Variants in SPOCK3 observed in about 807,000 individuals in gnomAD.
The protein encoded by SPOCK3 is testican-3.
A neutral mutation model predicts 56.6 loss-of-function variants in SPOCK3; 30 were observed. The ratio of observed to expected loss-of-function variants is 0.53; its 90% CI spans 0.40 to 0.72. The LOEUF (loss-of-function observed/expected upper bound fraction) is 0.72, where lower values mean the gene tolerates loss of function less well. SPOCK3 is among the 30% of genes least tolerant of loss of function. The pLI is 0.00. For synonymous variants in SPOCK3, 196 were observed against 183.3 expected (o/e 1.07, Z -0.56); for missense variants, 527 against 530.0 (o/e 0.99, Z 0.06).
chr4:166,970,661 G>A (rs1745272985), intron 4 of SPOCK3, among the ~76,000 whole-genome samples: 1 of 151,930 alleles, frequency 6.6e-6, no homozygotes, highest in African/African-American at 2.4e-5. Context: ...GGAGGTGGAG[G>A]CTGCAGTGAA....
intron 2 of SPOCK3, among the ~76,000 whole-genome samples, chr4:167,210,331 C>T (rs1734751541): frequency 6.6e-6 from 1 of 152,072 alleles, no homozygotes; most frequent in Non-Finnish European, 1.5e-5. Flanking sequence ...TTCATTGAAT[C>T]ACCTCCCACT....
intron 5 of SPOCK3, among the ~76,000 whole-genome samples, chr4:166,893,599 G>C (rs939610990): frequency 6.6e-6 from 1 of 152,094 alleles, no homozygotes; most frequent in Non-Finnish European, 1.5e-5. Flanking sequence ...ATATAGGGCT[G>C]AAATGGGATT....
intron 4 of SPOCK3, among the ~76,000 whole-genome samples, chr4:166,953,343 A>G (rs975305479): frequency 6.6e-6 from 1 of 152,186 alleles, no homozygotes; most frequent in Non-Finnish European, 1.5e-5. Context: ...AATGCTCACC[A>G]TCACTGGCCA....
intron 2 of SPOCK3, among the ~76,000 whole-genome samples, chr4:167,080,743 A>G (rs1045620565): frequency 1.3e-5 from 2 of 152,014 alleles, no homozygotes; most frequent in African/African-American, 4.8e-5. Flanking sequence ...AATAAATGGC[A>G]TGTTAGATTA....
intron 7 of SPOCK3, among the ~76,000 whole-genome samples, chr4:166,774,312 CTT>C (rs1368861113): frequency 6.6e-6 from 1 of 152,152 alleles, no homozygotes; most frequent in African/African-American, 2.4e-5. Context: ...CTTAGGAAGA[CTT>C]TGTGCTGTAT....
chr4:167,057,218 T>A (rs1221793307), intron 3 of SPOCK3, among the ~76,000 whole-genome samples: 1 of 152,044 alleles, frequency 6.6e-6, no homozygotes, highest in Non-Finnish European at 1.5e-5. Context: ...ATAAAATACT[T>A]TACAGACAAG....
At chr4:167,212,945 G>A (rs146125844) in intron 2 of SPOCK3, among the ~76,000 whole-genome samples, 1 of 152,210 alleles carries the variant, frequency 6.6e-6, no homozygotes, top group East Asian at 1.9e-4. Context: ...ATGAAACATA[G>A]AGCATTTGTC....
chr4:166,877,182 T>C (rs1043052972), intron 6 of SPOCK3, among the ~76,000 whole-genome samples: 2 of 152,286 alleles, frequency 1.3e-5, no homozygotes, highest in African/African-American at 4.8e-5. Context: ...GTTAGTATTT[T>C]ACCATGTACA....
At chr4:166,928,550 C>T (rs1327999849) in intron 4 of SPOCK3, among the ~76,000 whole-genome samples, 2 of 152,146 alleles carry the variant, frequency 1.3e-5, no homozygotes, top group Non-Finnish European at 2.9e-5. Context: ...GATGAATAGG[C>T]AGATCACAGA....
At chr4:166,749,553 G>A (rs1402205334) in intron 8 of SPOCK3, among the ~76,000 whole-genome samples, 2 of 151,800 alleles carry the variant, frequency 1.3e-5, no homozygotes. Context: ...GAGTTTATGG[G>A]TGCAGCACAC....
At chr4:166,848,717 C>T (rs1748360765) in intron 6 of SPOCK3, among the ~76,000 whole-genome samples, 1 of 152,154 alleles carries the variant, frequency 6.6e-6, no homozygotes, top group Non-Finnish European at 1.5e-5. Flanking sequence ...TGCAGGTGAT[C>T]ACTGATAAGA....
At chr4:166,960,718 G>A (rs1049708167) in intron 4 of SPOCK3, among the ~76,000 whole-genome samples, 4 of 152,174 alleles carry the variant, frequency 2.6e-5, no homozygotes, top group South Asian at 2.1e-4. Flanking sequence ...AGAATAGGAT[G>A]AACACTGATA....
chr4:166,786,040 AG>A (rs1740695214), intron 7 of SPOCK3, among the ~76,000 whole-genome samples: 1 of 152,170 alleles, frequency 6.6e-6, no homozygotes. Context: ...TTCATATATC[AG>A]GTAGCAATAT....
At position 167,098,855 on chromosome 4, in the gene SPOCK3, A is replaced by T. The variant is rs183972692; in HGVS notation, c.190-36318T>A. ...CAAATATTCCAAAAAGCCTCTCCAG[A>T]TTCCCCAGAAGAAACTATGCCTTTT... On this transcript the variant is annotated intron_variant, in intron 2 of 10. Coordinates refer to ENST00000357545, the MANE Select transcript of SPOCK3 (RefSeq NM_001040159.2). Among the ~76,000 whole-genome samples the T allele has an allele frequency of 2.5e-4, 38 of 152,172 alleles. No homozygotes were observed. In the East Asian group the frequency reaches 6.4e-3, roughly 25 times the overall value.
At chr4:166,945,341 T>C (rs551877876) in intron 4 of SPOCK3, among the ~76,000 whole-genome samples, 2 of 152,332 alleles carry the variant, frequency 1.3e-5, no homozygotes, top group Admixed American at 1.3e-4. Flanking sequence ...TTTTTATAAC[T>C]ATAGGTTTTC....
chr4:167,030,428 C>A (rs774409758), intron 3 of SPOCK3, among the ~76,000 whole-genome samples: 1 of 152,040 alleles, frequency 6.6e-6, no homozygotes, highest in African/African-American at 2.4e-5. Context: ...GGCTGCGAAG[C>A]ACAGGTTAAT....
intron 2 of SPOCK3, among the ~76,000 whole-genome samples, chr4:167,131,978 T>C (rs185766880): frequency 6.6e-6 from 1 of 152,320 alleles, no homozygotes; most frequent in African/African-American, 2.4e-5. Flanking sequence ...GCCCAGGTAT[T>C]TATATTTGAA....
At chr4:167,226,399 A>G (rs1454919480) in intron 2 of SPOCK3, among the ~76,000 whole-genome samples, 1 of 152,112 alleles carries the variant, frequency 6.6e-6, no homozygotes, top group Non-Finnish European at 1.5e-5. Flanking sequence ...GATAATATGG[A>G]ATTTGGAAGA....
intron 2 of SPOCK3, among the ~76,000 whole-genome samples, chr4:167,110,988 A>T (rs1172850258): frequency 6.6e-6 from 1 of 151,974 alleles, no homozygotes; most frequent in Non-Finnish European, 1.5e-5. Flanking sequence ...GGAATGACAT[A>T]CTAATATATT....
Sources: allele counts gnomAD v4.1 joint callset (sites outside exome capture counted in the v4.1 genomes callset), GRCh38; gene constraint gnomAD v4.1.1; transcripts MANE v1.5; gene names NCBI Gene and HGNC (gene_info 2026-07-23, HGNC 2026-07-21).